ESYT3: variants seen among roughly 807,000 people sequenced by gnomAD.
ESYT3 encodes the protein extended synaptotagmin 3, also known as extended synaptotagmin-3.
In ESYT3, 101 loss-of-function variants were observed where a neutral mutation model predicts 111.5. That is an observed-to-expected ratio of 0.91 (90% CI 0.77 to 1.07). The LOEUF is 1.07. ESYT3 is among the 50% of genes least tolerant of loss of function. The pLI, the probability that ESYT3 is intolerant of heterozygous loss-of-function variation, is 0.00. For synonymous variants in ESYT3, 416 were observed against 446.8 expected, an observed-to-expected ratio of 0.93 and a Z score of 0.87; for missense variants, 1,097 against 1,109.4, an observed-to-expected ratio of 0.99 and a Z score of 0.16.
At chr3:138,470,340 G>C (rs954827069) in intron 16 of ESYT3, 194 bp downstream of exon 16, 11 of 1,286,624 alleles carry the variant, frequency 8.5e-6, no homozygotes. Flanking sequence ...TGTATAGGGG[G>C]ATGTGGGAGG....
At chr3:138,438,908 G>A (rs755475535) in intron 1 of ESYT3, among the ~76,000 whole-genome samples, 6 of 152,190 alleles carry the variant, frequency 3.9e-5, no homozygotes, top group Non-Finnish European at 7.3e-5. Flanking sequence ...GGTGGCCCCC[G>A]CAGCTCACCC....
chr3:138,467,683 T>G (rs575005592), intron 11 of ESYT3, 74 bp downstream of exon 11: 1 of 1,415,678 alleles, frequency 7.1e-7, no homozygotes, highest in East Asian at 2.3e-5. Flanking sequence ...AGCAGCTTGC[T>G]TCAGCCCAGC....
At chr3:138,471,394 TA>T (rs2108628031) in intron 17 of ESYT3, among the ~76,000 whole-genome samples, 1 of 152,380 alleles carries the variant, frequency 6.6e-6, no homozygotes, top group African/African-American at 2.4e-5. Flanking sequence ...TGGCTATGCC[TA>T]GTTTGCTGTT....
intron 10 of ESYT3, among the ~76,000 whole-genome samples, chr3:138,466,737 A>C (rs1276642281): frequency 6.6e-6 from 1 of 152,192 alleles, no homozygotes; most frequent in Non-Finnish European, 1.5e-5. Context: ...AGGATACCAG[A>C]GGCCAGGTAA....
At chr3:138,460,454 G>A (rs550073783) in intron 6 of ESYT3, among the ~76,000 whole-genome samples, 157 bp from the exon 7 acceptor site, 1 of 152,294 alleles carries the variant, frequency 6.6e-6, no homozygotes, top group East Asian at 1.9e-4. Context: ...TCGCCTGCCT[G>A]ACACCCTGGC....
rs2032355582 is a variant in ESYT3, at chr3:138,457,480, C to G, written c.505-88C>G. 4 of 1,160,670 alleles carry G rather than the reference C, an allele frequency of 3.4e-6. No individual in the cohort carries two copies. In the African/African-American group the frequency reaches 6.1e-5, roughly 18 times the overall value. The allele number at this position is 1,160,670 out of a possible 1,614,324, so 71.9% of individuals were successfully genotyped here. A position where few individuals can be genotyped will look rare whatever the true frequency, so the allele number is the denominator to read the frequency against. On this transcript the variant is annotated intron_variant, in intron 3 of 22. Transcript: ENST00000389567. ...GGAAGTATGGTGGTCATGCTCGTTGCTGACAAAGCCCAGTGCCGGGGGGAG... is the reference window on the plus strand; with the variant it reads ...GGAAGTATGGTGGTCATGCTCGTTGGTGACAAAGCCCAGTGCCGGGGGGAG...
intron 4 of ESYT3, 121 bp downstream of exon 4, chr3:138,457,765 C>T (rs1324187217): frequency 1.1e-6 from 1 of 878,932 alleles, no homozygotes; most frequent in East Asian, 2.7e-5. Flanking sequence ...CTCACAGGAC[C>T]CTCCCCTCCT....
rs138099554 is a variant in ESYT3, at chr3:138,455,298, T to C, written c.474T>C (p.Phe158=). 9.3e-6 allele frequency: 15 copies of C among 1,614,112 alleles called. No individual in the cohort carries two copies. The highest frequency in any genetic ancestry group is 1.3e-5 in the African/African-American group (1 of 75,030). Residue 158 remains phenylalanine, a synonymous_variant, in exon 3 of 23, where the codon TTT becomes TTC. Transcript: ENST00000389567. ...AGAAGAGCATCCACCTGAGGACCTTTACCTTTACCAAGCTCTACTTTGGAC... is the reference window on the plus strand; with the variant it reads ...AGAAGAGCATCCACCTGAGGACCTTCACCTTTACCAAGCTCTACTTTGGAC... The part of the protein sequence containing the change: ...IREKSIHLRT[F]TFTKLYFGQK...
At chr3:138,452,215 T>C in intron 2 of ESYT3, 126 bp downstream of exon 2, 2 of 792,162 alleles carry the variant, frequency 2.5e-6, no homozygotes, top group Non-Finnish European at 4.0e-6. Context: ...GCAGGGATGC[T>C]CCCTTTCCCT....
At chr3:138,460,496 C>A in intron 6 of ESYT3, 115 bp from the exon 7 acceptor site, 1 of 1,170,970 alleles carries the variant, frequency 8.5e-7, no homozygotes, top group South Asian at 1.3e-5. Context: ...CCTCCGAACC[C>A]CCACCCTGGA....
At chr3:138,464,304 C>T in intron 8 of ESYT3, 41 bp from the exon 9 acceptor site, 3 of 1,608,034 alleles carry the variant, frequency 1.9e-6, no homozygotes, top group Non-Finnish European at 2.5e-6. Flanking sequence ...CTTGGAGGCC[C>T]CAGGAAGCAG....
In ESYT3 at chr3:138,476,218, TAAAGATTTGAATTTTTTGTTCCC is replaced by T; in HGVS notation, c.2469-3_2488del. 1 of 1,597,192 alleles carries T rather than the reference TAAAGATTTGAATTTTTTGTTCCC, an allele frequency of 6.3e-7. No homozygotes were observed. On this transcript the variant is annotated splice_acceptor_variant and splice_polypyrimidine_tract_variant and coding_sequence_variant and intron_variant, in exon 21 of 23. Coordinates refer to ENST00000389567, the MANE Select transcript of ESYT3 (RefSeq NM_031913.5). LOFTEE classifies it high-confidence loss of function. ...TAATTCTCACTTCCTTTTTGCTTCC[TAAAGATTTGAATTTTTTGTTCCC>T]ATGGAAGAAGTAAAGAAGAGGTCAC...
intron 16 of ESYT3, chr3:138,470,423 T>C (rs749379240): frequency 1.8e-6 from 2 of 1,133,366 alleles, no homozygotes; most frequent in Non-Finnish European, 2.2e-6. Context: ...CAGAGCAGCC[T>C]ATCTACACAG....
intron 12 of ESYT3, among the ~76,000 whole-genome samples, 197 bp from the exon 13 acceptor site, chr3:138,468,458 A>G (rs1426321813): frequency 2.0e-5 from 3 of 152,108 alleles, no homozygotes; most frequent in Non-Finnish European, 4.4e-5. Context: ...AAATCCACTC[A>G]GTGTCTAACT....
In ESYT3 at chr3:138,472,392, G is replaced by A; in HGVS notation, c.1770G>A (p.Gly590=). 2 of 1,614,016 alleles carry A rather than the reference G, an allele frequency of 1.2e-6. No individual in the cohort carries two copies. Among genetic ancestry groups the A allele is most frequent in the Non-Finnish European group, 1.7e-6 (2 of 1,179,984 alleles). Residue 590 remains glycine (G), a synonymous_variant, in exon 18 of 23, where the codon GGG becomes GGA. Transcript: ENST00000389567. ...RFLQVEEREL[G]SPYTGPEALK... Reference sequence around the variant, plus strand: ...TGCAAGTGGAGGAACGAGAGCTGGGGAGCCCATACACAGGACCTGAAGCCC... The same window carrying A: ...TGCAAGTGGAGGAACGAGAGCTGGGAAGCCCATACACAGGACCTGAAGCCC...
At chr3:138,460,339 G>C (rs1393705961) in intron 6 of ESYT3, among the ~76,000 whole-genome samples, 1 of 152,170 alleles carries the variant, frequency 6.6e-6, no homozygotes, top group African/African-American at 2.4e-5. Context: ...ACTCCTGTAG[G>C]GGTTCTGCCT....
At chr3:138,474,528 A>G in intron 20 of ESYT3, 176 bp downstream of exon 20, 1 of 626,088 alleles carries the variant, frequency 1.6e-6, no homozygotes, top group Non-Finnish European at 2.4e-6. Flanking sequence ...AGTGCCAGAG[A>G]AGTTTATCAA....
chr3:138,460,620 A>G lies in ESYT3; in HGVS notation c.748A>G (p.Ile250Val). The G allele has an allele frequency of 6.2e-7, 1 of 1,614,070 alleles. No individual in the cohort carries two copies. Among genetic ancestry groups the G allele is most frequent in the Non-Finnish European group, 8.5e-7 (1 of 1,179,958 alleles). Residue 250 changes from isoleucine (I) to valine (V), a missense_variant, in exon 7 of 23, where the codon ATC (isoleucine) becomes GTC (valine). Transcript: ENST00000389567. ...VFFLQKPHLQ[I>V]NWTGLTNLLD... ...CCCTCTGCCCCTGAAGCACCTACAGATCAACTGGACTGGCCTGACCAACCT... is the reference window on the plus strand; with the variant it reads ...CCCTCTGCCCCTGAAGCACCTACAGGTCAACTGGACTGGCCTGACCAACCT...
At chr3:138,461,918 C>G (rs190403457) in intron 7 of ESYT3, among the ~76,000 whole-genome samples, 168 bp from the exon 8 acceptor site, 4 of 151,976 alleles carry the variant, frequency 2.6e-5, no homozygotes, top group Admixed American at 2.0e-4. Flanking sequence ...GGGGCTGTCA[C>G]GATGTATAGG....
Sources: allele counts gnomAD v4.1 joint callset (sites outside exome capture counted in the v4.1 genomes callset), GRCh38; gene constraint gnomAD v4.1.1; transcripts MANE v1.5; gene names NCBI Gene and HGNC (gene_info 2026-07-23, HGNC 2026-07-21).